Variants in IGFL4 observed in about 807,000 individuals in gnomAD.
The protein encoded by IGFL4 is IGF like family member 4.
IGFL4 carries 12 observed loss-of-function variants against 15.4 expected under a neutral mutation model. The observed-to-expected ratio is 0.78, with a 90% CI of 0.50 to 1.26. IGFL4 has a LOEUF of 1.26. Among genes scored for constraint, IGFL4 ranks in the 50% most tolerant of loss-of-function variants. IGFL4 has a pLI of 0.00. For missense variants in IGFL4, 126 were observed against 147.8 expected, an observed-to-expected ratio of 0.85 and a Z score of 0.76; for synonymous variants, 54 against 55.9, an observed-to-expected ratio of 0.97 and a Z score of 0.16.
intron 2 of IGFL4, among the ~76,000 whole-genome samples, chr19:46,054,144 GC>G (rs1336294608): frequency 2.0e-5 from 3 of 151,872 alleles, no homozygotes; most frequent in Non-Finnish European, 2.9e-5. Flanking sequence ...TGCTTTCATT[GC>G]CTGTGCTTTT....
intron 1 of IGFL4, among the ~76,000 whole-genome samples, chr19:46,061,080 T>C (rs555951041): frequency 6.6e-6 from 1 of 152,354 alleles, no homozygotes; most frequent in East Asian, 1.9e-4. Flanking sequence ...TTAGCCAACA[T>C]GTTCATACAC....
chr19:46,047,920 A>T (rs1969311604), intron 2 of IGFL4, among the ~76,000 whole-genome samples: 1 of 152,236 alleles, frequency 6.6e-6, no homozygotes, highest in South Asian at 2.1e-4. Flanking sequence ...TCATCCTATG[A>T]GCCCAGCATC....
At chr19:46,051,464 G>A (rs1969344153) in intron 2 of IGFL4, among the ~76,000 whole-genome samples, 1 of 152,174 alleles carries the variant, frequency 6.6e-6, no homozygotes, top group Non-Finnish European at 1.5e-5. Flanking sequence ...AGAATCACTT[G>A]CACCCGGGAG....
At chr19:46,055,931 C>T (rs1246320741) in intron 2 of IGFL4, among the ~76,000 whole-genome samples, 1 of 152,042 alleles carries the variant, frequency 6.6e-6, no homozygotes, top group South Asian at 2.1e-4. Context: ...TGCCCACCAC[C>T]GTGCCCAGCT....
chr19:46,065,517 C>T (rs191698915), intron 1 of IGFL4, among the ~76,000 whole-genome samples: 1 of 152,342 alleles, frequency 6.6e-6, no homozygotes, highest in African/African-American at 2.4e-5. Flanking sequence ...ACGTGTTGGC[C>T]AGGCTGGTCT....
At chr19:46,071,063 G>C (rs1437032286) in intron 1 of IGFL4, among the ~76,000 whole-genome samples, 1 of 151,996 alleles carries the variant, frequency 6.6e-6, no homozygotes, top group Non-Finnish European at 1.5e-5. Context: ...TCCCAAGATG[G>C]CGTTTGTTTG....
chr19:46,054,169 T>C (rs1168935888), intron 2 of IGFL4, among the ~76,000 whole-genome samples: 2 of 152,140 alleles, frequency 1.3e-5, no homozygotes, highest in Non-Finnish European at 2.9e-5. Flanking sequence ...GTTTTATTCA[T>C]AAGATATTTT....
At chr19:46,067,262 A>G (rs1969503940) in intron 1 of IGFL4, among the ~76,000 whole-genome samples, 1 of 152,114 alleles carries the variant, frequency 6.6e-6, no homozygotes, top group Non-Finnish European at 1.5e-5. Flanking sequence ...TACTATCTGG[A>G]CATCCGCTTT....
chr19:46,055,604 C>G (rs1250203302), intron 2 of IGFL4, among the ~76,000 whole-genome samples: 1 of 152,100 alleles, frequency 6.6e-6, no homozygotes, highest in Non-Finnish European at 1.5e-5. Context: ...TGAAAAAAAA[C>G]TACATCATTA....
chr19:46,041,833 CTCTCT>C (rs1378327917), upstream of IGFL4, among the ~76,000 whole-genome samples: 1 of 129,990 alleles, frequency 7.7e-6, no homozygotes, highest in Admixed American at 8.9e-5. Flanking sequence ...TCCCTCCTCT[CTCTCT>C]TTTTTTTTTT....
At chr19:46,044,618 ACAG>A (rs1228544830), upstream of IGFL4, among the ~76,000 whole-genome samples, 2 of 152,126 alleles carry the variant, frequency 1.3e-5, no homozygotes, top group Non-Finnish European at 2.9e-5. Context: ...TCCCCACAAC[ACAG>A]CACATCTGCC....
At chr19:46,052,299 C>T (rs1236388285) in intron 2 of IGFL4, among the ~76,000 whole-genome samples, 2 of 152,174 alleles carry the variant, frequency 1.3e-5, no homozygotes, top group East Asian at 1.9e-4. Flanking sequence ...AATACTCTCT[C>T]AGACCACAGT....
chr19:46,040,178 A>G lies in IGFL4; in HGVS notation c.309T>C (p.Pro103=), dbSNP rs750841654. 1 of 1,613,888 alleles carries G rather than the reference A, an allele frequency of 6.2e-7. No individual in the cohort carries two copies. Among genetic ancestry groups the G allele is most frequent in the Non-Finnish European group, 8.5e-7 (1 of 1,180,002 alleles). The part of the protein sequence containing the change: ...PGMKPDCKSS[P]ITRICAQEYH... ...TTACCTGGGCACAGATCCTGGTGATAGGGGAGGACTTGCAATCTGGCTTCA... is the reference window on the plus strand; with the variant it reads ...TTACCTGGGCACAGATCCTGGTGATGGGGGAGGACTTGCAATCTGGCTTCA... Residue 103 remains proline, a synonymous_variant, in exon 3 of 4, where the codon CCT becomes CCC. Transcript: ENST00000377697. This position sits in a 1 kb window ranked among gnomAD's most constrained non-coding sequence, Gnocchi z 4.1.
chr19:46,070,316 C>T (rs1969534149), intron 1 of IGFL4, among the ~76,000 whole-genome samples: 1 of 152,100 alleles, frequency 6.6e-6, no homozygotes, highest in Non-Finnish European at 1.5e-5. Context: ...CGGGCTGGAA[C>T]TTGGCACTGG....
chr19:46,073,359 C>T (rs1969564296), intron 1 of IGFL4, among the ~76,000 whole-genome samples: 1 of 152,034 alleles, frequency 6.6e-6, no homozygotes, highest in Admixed American at 6.6e-5. Flanking sequence ...AATTAGAGTT[C>T]CTTCTTTCCT....
chr19:46,066,647 G>A (rs918720966), intron 1 of IGFL4, among the ~76,000 whole-genome samples: 1 of 152,190 alleles, frequency 6.6e-6, no homozygotes, highest in Admixed American at 6.5e-5. Context: ...TGTGAAGCAG[G>A]AGCAAGCATG....
At chr19:46,069,646 A>G (rs1246438453) in intron 1 of IGFL4, among the ~76,000 whole-genome samples, 1 of 152,190 alleles carries the variant, frequency 6.6e-6, no homozygotes, top group Non-Finnish European at 1.5e-5. Context: ...CTAGATTTCT[A>G]TTTTATGGAT....
chr19:46,057,445 C>T (rs1460592307), intron 2 of IGFL4, among the ~76,000 whole-genome samples: 1 of 152,038 alleles, frequency 6.6e-6, no homozygotes, highest in African/African-American at 2.4e-5. Context: ...GATTTTAGTT[C>T]CCCATAAATC....
At chr19:46,041,589 C>CTT (rs763783373), upstream of IGFL4, among the ~76,000 whole-genome samples, 4 of 141,288 alleles carry the variant, frequency 2.8e-5, no homozygotes, top group Admixed American at 7.1e-5. Context: ...AAAGCAGCAC[C>CTT]TTTTTTTTTT....
Sources: gnomAD v4.1 joint callset for allele counts (sites outside exome capture counted in the v4.1 genomes callset) on GRCh38, gnomAD v4.1.1 for gene constraint, Gnocchi (gnomAD v3.1) non-coding constraint, MANE v1.5 for transcripts, NCBI Gene and HGNC (gene_info 2026-07-23, HGNC 2026-07-21) for gene names.